Variants in KCNQ3 observed in about 807,000 individuals in gnomAD.
KCNQ3 encodes potassium voltage-gated channel subfamily Q member 3, also known as potassium voltage-gated channel subfamily KQT member 3.
Under a neutral mutation model 92.5 loss-of-function variants are expected in KCNQ3, and 30 were observed. That is an observed-to-expected ratio of 0.32 (90% CI 0.24 to 0.44). The LOEUF (loss-of-function observed/expected upper bound fraction) is 0.44, where lower values mean the gene tolerates loss of function less well. KCNQ3 is among the 20% of genes least tolerant of loss of function. The pLI is 1.00. For synonymous variants in KCNQ3, 450 were observed against 468.8 expected, an observed-to-expected ratio of 0.96 and a Z score of 0.52; for missense variants, 913 against 1,140.3, an observed-to-expected ratio of 0.80 and a Z score of 2.87.
At chr8:132,416,898 T>C (rs1260648359) in intron 1 of KCNQ3, among the ~76,000 whole-genome samples, 1 of 152,116 alleles carries the variant, frequency 6.6e-6, no homozygotes, top group African/African-American at 2.4e-5. Flanking sequence ...GGGCAGGTGT[T>C]CCCTGTTGGA....
chr8:132,303,879 CAT>C (rs1361977557), intron 1 of KCNQ3, among the ~76,000 whole-genome samples: 2 of 150,614 alleles, frequency 1.3e-5, no homozygotes, highest in African/African-American at 4.9e-5. Flanking sequence ...TATATATACA[CAT>C]ATAATATTTT....
chr8:132,248,334 GTATA>G (rs5895135), intron 1 of KCNQ3, among the ~76,000 whole-genome samples: 143 of 143,812 alleles, frequency 9.9e-4, no homozygotes, highest in Admixed American at 1.3e-3. Flanking sequence ...TAGTCTATAA[GTATA>G]TATATATATA....
intron 1 of KCNQ3, among the ~76,000 whole-genome samples, chr8:132,235,609 G>T (rs1814789318): frequency 6.6e-6 from 1 of 152,182 alleles, no homozygotes; most frequent in South Asian, 2.1e-4. Context: ...AATTAATCCA[G>T]GAAATTCACT....
intron 1 of KCNQ3, among the ~76,000 whole-genome samples, chr8:132,474,648 C>A (rs1189148381): frequency 2.6e-5 from 4 of 152,160 alleles, no homozygotes; most frequent in African/African-American, 4.8e-5. Flanking sequence ...AGAATTCTCA[C>A]ATGCATCCAT....
intron 1 of KCNQ3, among the ~76,000 whole-genome samples, chr8:132,415,515 C>G (rs1334746661): frequency 6.6e-6 from 1 of 152,214 alleles, no homozygotes; most frequent in African/African-American, 2.4e-5. Flanking sequence ...ACAGCAGTGA[C>G]ATTCAGCCTT....
At chr8:132,360,463 G>A (rs1291204525) in intron 1 of KCNQ3, among the ~76,000 whole-genome samples, 1 of 152,154 alleles carries the variant, frequency 6.6e-6, no homozygotes, top group Non-Finnish European at 1.5e-5. Context: ...CCCTGCTATT[G>A]CCCAGCACAG....
chr8:132,374,897 T>C (rs1365228626), intron 1 of KCNQ3, among the ~76,000 whole-genome samples: 1 of 152,240 alleles, frequency 6.6e-6, no homozygotes, highest in African/African-American at 2.4e-5. Context: ...ATCGTGTATA[T>C]GTACCACATT....
intron 1 of KCNQ3, among the ~76,000 whole-genome samples, chr8:132,282,495 T>C (rs61527186): frequency 0.026 from 3,988 of 152,236 alleles, 193 homozygotes; most frequent in African/African-American, 0.09. Flanking sequence ...TCTCCTAGGC[T>C]CCCTCTTTGT....
chr8:132,329,715 CTCT>C lies in KCNQ3; in HGVS notation c.387-143537_387-143535del, dbSNP rs1405963840. 1.1e-4 allele frequency among the ~76,000 whole-genome samples: 17 copies of C among 152,310 alleles called. No homozygotes were observed. The East Asian group carries it at 2.3e-3, about 21-fold the overall frequency. On this transcript the variant is annotated intron_variant, in intron 1 of 14. Transcript: ENST00000388996. Reference sequence around the variant, plus strand: ...TGGCACTCGGTCCCTCCCAGATCTGCTCTTGTTATCTCTCTAGCTTTGACACAG... The same window carrying C: ...TGGCACTCGGTCCCTCCCAGATCTGCTGTTATCTCTCTAGCTTTGACACAG...
intron 1 of KCNQ3, among the ~76,000 whole-genome samples, chr8:132,370,715 C>T (rs577631512): frequency 6.6e-6 from 1 of 152,204 alleles, no homozygotes; most frequent in Admixed American, 6.5e-5. Flanking sequence ...CGAGGAATGC[C>T]CTTCTTACTG....
At chr8:132,135,973 G>A (rs1825069392) in intron 12 of KCNQ3, among the ~76,000 whole-genome samples, 1 of 151,622 alleles carries the variant, frequency 6.6e-6, no homozygotes, top group African/African-American at 2.4e-5. Context: ...TAAAAAATTA[G>A]CCGGGTATGG....
At chr8:132,464,892 C>T (rs1822137039) in intron 1 of KCNQ3, among the ~76,000 whole-genome samples, 1 of 152,224 alleles carries the variant, frequency 6.6e-6, no homozygotes, top group Admixed American at 6.5e-5. Flanking sequence ...CTGGCATCTG[C>T]TGGGCCTGAA....
chr8:132,162,620 G>C (rs77493620), intron 9 of KCNQ3, among the ~76,000 whole-genome samples: 2,008 of 152,228 alleles, frequency 0.013, 41 homozygotes, highest in African/African-American at 0.045. Flanking sequence ...GTCCTAAGTG[G>C]GTCCAGGAAA....
chr8:132,278,047 A>C, intron 1 of KCNQ3: 5 of 985,368 alleles, frequency 5.1e-6, no homozygotes, highest in Non-Finnish European at 6.0e-6. Context: ...GATTCAAACA[A>C]GTCAGGAGGA....
chr8:132,333,919 G>C (rs1818297412), intron 1 of KCNQ3, among the ~76,000 whole-genome samples: 2 of 151,924 alleles, frequency 1.3e-5, no homozygotes, highest in Non-Finnish European at 2.9e-5. Context: ...CTTTAGTAGA[G>C]ACAGGGTTTC....
chr8:132,255,468 A>G (rs1171764853), intron 1 of KCNQ3, among the ~76,000 whole-genome samples: 1 of 152,172 alleles, frequency 6.6e-6, no homozygotes, highest in Non-Finnish European at 1.5e-5. Context: ...TGCTACAGGG[A>G]TTTTCCTACA....
intron 1 of KCNQ3, among the ~76,000 whole-genome samples, chr8:132,428,193 C>T (rs1421712281): frequency 6.6e-6 from 1 of 152,186 alleles, no homozygotes; most frequent in Non-Finnish European, 1.5e-5. Context: ...CCATCTGGCA[C>T]ACTCTGTCTC....
At chr8:132,401,720 T>C (rs1820338661) in intron 1 of KCNQ3, among the ~76,000 whole-genome samples, 1 of 152,222 alleles carries the variant, frequency 6.6e-6, no homozygotes, top group Non-Finnish European at 1.5e-5. Flanking sequence ...ACTGAAAAGC[T>C]ATGAAAGAAT....
At chr8:132,469,418 G>A (rs1020665658) in intron 1 of KCNQ3, among the ~76,000 whole-genome samples, 4 of 152,140 alleles carry the variant, frequency 2.6e-5, no homozygotes, top group Admixed American at 1.3e-4. Flanking sequence ...CAGGTATTGC[G>A]ATGCCCATTT....
Sources: gnomAD v4.1 joint callset for allele counts (sites outside exome capture counted in the v4.1 genomes callset) on GRCh38, gnomAD v4.1.1 for gene constraint, MANE v1.5 for transcripts, NCBI Gene and HGNC (gene_info 2026-07-23, HGNC 2026-07-21) for gene names.